The following MBNL2 variants were observed in gnomAD, a reference collection of about 807,000 sequenced individuals.
MBNL2 encodes the protein muscleblind-like protein 2.
Under a neutral mutation model 41.9 loss-of-function variants are expected in MBNL2, and 17 were observed. That is an observed-to-expected ratio of 0.41 (90% CI 0.28 to 0.61). The LOEUF is 0.61. Among genes scored for constraint, MBNL2 ranks in the 20% least tolerant of loss-of-function variants. The pLI is 0.35. For missense variants in MBNL2, 336 were observed against 505.6 expected, an observed-to-expected ratio of 0.66 and a Z score of 3.22; for synonymous variants, 195 against 182.9, an observed-to-expected ratio of 1.07 and a Z score of -0.53.
upstream of MBNL2, among the ~76,000 whole-genome samples, chr13:97,219,321 G>A (rs1429198561): frequency 1.3e-5 from 2 of 152,210 alleles, no homozygotes; most frequent in African/African-American, 4.8e-5. Context: ...GAAGCAGGCA[G>A]GGGCTACATG....
At chr13:97,152,657 G>A in the MBNL2 span, among the ~76,000 whole-genome samples, 6 of 152,096 alleles carry the variant, frequency 3.9e-5, no homozygotes, top group Non-Finnish European at 7.4e-5. Context: ...GTATGATTTC[G>A]AATACACTAT....
chr13:97,149,611 G>T, the MBNL2 span, among the ~76,000 whole-genome samples: 3 of 152,126 alleles, frequency 2.0e-5, no homozygotes, highest in Non-Finnish European at 4.4e-5. Flanking sequence ...GCTTAAACAG[G>T]TAGTTCTTAT....
At chr13:97,172,853 C>A in the MBNL2 span, 1 of 152,114 alleles carries the variant, frequency 6.6e-6, no homozygotes, top group Non-Finnish European at 1.5e-5. Context: ...GAGTTTTCTT[C>A]TTTGGTGCTT....
At chr13:97,193,414 C>G in the MBNL2 span, among the ~76,000 whole-genome samples, 1 of 152,136 alleles carries the variant, frequency 6.6e-6, no homozygotes, top group Non-Finnish European at 1.5e-5. Context: ...CTGGGCTGGA[C>G]TTGGCTTCCA....
At chr13:97,165,218 AC>A in the MBNL2 span, among the ~76,000 whole-genome samples, 1 of 152,140 alleles carries the variant, frequency 6.6e-6, no homozygotes, top group African/African-American at 2.4e-5. Flanking sequence ...AGAAAAAAAA[AC>A]CCTTCATTTT....
the MBNL2 span, among the ~76,000 whole-genome samples, chr13:97,153,493 G>C: frequency 6.6e-6 from 1 of 152,144 alleles, no homozygotes; most frequent in Admixed American, 6.6e-5. Context: ...CAACAGGTGA[G>C]AAAAGATTGT....
Position 97,291,156 on chromosome 13 carries a change from A to G in MBNL2, c.174+14747A>G, listed in dbSNP as rs112525317. ...TAAAAAAAGCCTCTGCATCACTCAC[A>G]TTACTAGCAATGCCACCCGGCTGGG... On this transcript the variant is annotated intron_variant, in intron 2 of 8. Coordinates refer to ENST00000679496, the MANE Select transcript of MBNL2 (RefSeq NM_001382683.1). Among the ~76,000 whole-genome samples, 1,223 of 152,220 alleles carry G rather than the reference A, an allele frequency of 8.0e-3. 10 individuals are homozygous for G. The highest frequency in any genetic ancestry group is 0.014 in the Middle Eastern group (4 of 294).
chr13:97,158,295 T>C, the MBNL2 span, among the ~76,000 whole-genome samples: 16 of 150,938 alleles, frequency 1.1e-4, no homozygotes, highest in African/African-American at 3.9e-4. Flanking sequence ...TTTTTTTCTT[T>C]ATTAGTCTTG....
intron 2 of MBNL2, among the ~76,000 whole-genome samples, chr13:97,327,216 C>T (rs2059973308): frequency 6.6e-6 from 1 of 152,140 alleles, no homozygotes; most frequent in Non-Finnish European, 1.5e-5. Flanking sequence ...TCCTCCTAGA[C>T]TTAATTGATT....
chr13:97,367,354 G>C (rs2063932916), intron 8 of MBNL2, among the ~76,000 whole-genome samples: 1 of 152,180 alleles, frequency 6.6e-6, no homozygotes, highest in Admixed American at 6.5e-5. Context: ...TGAGTGAGCA[G>C]AAACTCTCAC....
At chr13:97,262,345 C>G (rs1213085587) in intron 1 of MBNL2, among the ~76,000 whole-genome samples, 1 of 152,202 alleles carries the variant, frequency 6.6e-6, no homozygotes, top group Non-Finnish European at 1.5e-5. Flanking sequence ...TGTCCACATG[C>G]CTTGATCTCT....
intron 3 of MBNL2, among the ~76,000 whole-genome samples, chr13:97,339,906 A>G (rs1448306129): frequency 6.9e-6 from 1 of 145,164 alleles, no homozygotes; most frequent in Non-Finnish European, 1.5e-5. Context: ...CTTTTGTTTT[A>G]AGAAATAACC....
chr13:97,348,166 C>T (rs1456283307), intron 5 of MBNL2, among the ~76,000 whole-genome samples: 1 of 149,512 alleles, frequency 6.7e-6, no homozygotes, highest in Non-Finnish European at 1.5e-5. Context: ...CTTTAAACTC[C>T]TGGGCTCAAG....
chr13:97,202,709 C>T, the MBNL2 span, among the ~76,000 whole-genome samples: 1 of 152,244 alleles, frequency 6.6e-6, no homozygotes, highest in South Asian at 2.1e-4. Flanking sequence ...TGCCATGCAG[C>T]AAGGAAGTCA....
At chr13:97,177,535 G>T in the MBNL2 span, among the ~76,000 whole-genome samples, 1 of 151,918 alleles carries the variant, frequency 6.6e-6, no homozygotes, top group Non-Finnish European at 1.5e-5. Context: ...AAAAGAAAAG[G>T]CAAATGGAAA....
At chr13:97,163,640 G>C in the MBNL2 span, among the ~76,000 whole-genome samples, 1 of 152,078 alleles carries the variant, frequency 6.6e-6, no homozygotes, top group Admixed American at 6.6e-5. Flanking sequence ...TGGGTGATTG[G>C]GGGTGGCCAA....
chr13:97,184,407 T>C, the MBNL2 span, among the ~76,000 whole-genome samples: 2 of 152,204 alleles, frequency 1.3e-5, no homozygotes, highest in South Asian at 4.1e-4. Flanking sequence ...TGCTCTCATC[T>C]TTCCTCCCTA....
At chr13:97,318,132 C>T (rs1394392250) in intron 2 of MBNL2, among the ~76,000 whole-genome samples, 2 of 152,182 alleles carry the variant, frequency 1.3e-5, no homozygotes, top group Non-Finnish European at 2.9e-5. Context: ...GCCTTGGTTT[C>T]CACATCTGCA....
upstream of MBNL2, among the ~76,000 whole-genome samples, chr13:97,220,651 TGA>T (rs142522612): frequency 8.9e-3 from 1,359 of 152,346 alleles, 21 homozygotes; most frequent in African/African-American, 0.031. Context: ...AGCTTGAAGA[TGA>T]GGAGGCCTGA....
Sources: gnomAD v4.1 joint callset for allele counts (sites outside exome capture counted in the v4.1 genomes callset) on GRCh38, gnomAD v4.1.1 for gene constraint, MANE v1.5 for transcripts, NCBI Gene and HGNC (gene_info 2026-07-23, HGNC 2026-07-21) for gene names.